Variants in MAGI1 observed in about 807,000 individuals in gnomAD.
MAGI1 encodes the protein membrane-associated guanylate kinase, WW and PDZ domain-containing protein 1.
MAGI1 carries 58 observed loss-of-function variants against 139.9 expected under a neutral mutation model. That is an observed-to-expected ratio of 0.41 (90% CI 0.34 to 0.52). The LOEUF (loss-of-function observed/expected upper bound fraction) is 0.52. Among genes scored for constraint, MAGI1 ranks in the 20% least tolerant of loss-of-function variants. The probability of loss-of-function intolerance (pLI) is 0.12; values close to 1 mark genes in which losing one functional copy is unlikely to be tolerated. For synonymous variants in MAGI1, 812 were observed against 737.9 expected (o/e 1.10, Z -1.63); for missense variants, 1,874 against 1,901.6 (o/e 0.99, Z 0.27).
chr3:65,978,319 G>A (rs1375352189), intron 1 of MAGI1, among the ~76,000 whole-genome samples: 1 of 152,180 alleles, frequency 6.6e-6, no homozygotes, highest in African/African-American at 2.4e-5. Flanking sequence ...ATCCAAGTCT[G>A]GAAGTTTGTG....
At chr3:65,451,646 CTTTG>C (rs893297623) in intron 6 of MAGI1, among the ~76,000 whole-genome samples, 16 of 152,086 alleles carry the variant, frequency 1.1e-4, no homozygotes, top group Admixed American at 5.9e-4. Flanking sequence ...CCTGTTGTTG[CTTTG>C]TTTGTTTCTT....
chr3:65,925,890 C>A (rs1182627707), intron 1 of MAGI1, among the ~76,000 whole-genome samples: 1 of 152,156 alleles, frequency 6.6e-6, no homozygotes, highest in Non-Finnish European at 1.5e-5. Context: ...ATTGCCCAGG[C>A]TGGTCTTGAA....
At chr3:65,576,596 T>G (rs147470950) in intron 2 of MAGI1, among the ~76,000 whole-genome samples, 1 of 152,324 alleles carries the variant, frequency 6.6e-6, no homozygotes, top group Non-Finnish European at 1.5e-5. Context: ...ATCTTGTTGC[T>G]TTGCTTAAAT....
intron 12 of MAGI1, among the ~76,000 whole-genome samples, chr3:65,419,304 T>C (rs1946477065): frequency 6.6e-6 from 1 of 151,646 alleles, no homozygotes. Context: ...TGTGTGTGTG[T>C]ATGCATGTAT....
At chr3:65,819,991 T>C (rs1375510734) in intron 1 of MAGI1, among the ~76,000 whole-genome samples, 1 of 150,178 alleles carries the variant, frequency 6.7e-6, no homozygotes, top group Non-Finnish European at 1.5e-5. Context: ...TAAGCAAATA[T>C]ACTGCACTGG....
chr3:65,651,545 A>C (rs1033909326), intron 1 of MAGI1, among the ~76,000 whole-genome samples: 2 of 152,154 alleles, frequency 1.3e-5, no homozygotes, highest in Non-Finnish European at 2.9e-5. Flanking sequence ...GTGGACCTGC[A>C]CATTAAGCCC....
At chr3:66,018,421 T>C (rs1217751724) in intron 1 of MAGI1, among the ~76,000 whole-genome samples, 1 of 152,074 alleles carries the variant, frequency 6.6e-6, no homozygotes, top group East Asian at 1.9e-4. Flanking sequence ...ATTCCAAAAT[T>C]CTAGGCTAAG....
At chr3:65,616,222 G>A (rs1027086643) in intron 2 of MAGI1, among the ~76,000 whole-genome samples, 22 of 152,146 alleles carry the variant, frequency 1.4e-4, no homozygotes, top group Middle Eastern at 6.8e-3. Context: ...AGAAGGACAG[G>A]TGTAAGCAGG....
chr3:65,748,581 T>C (rs1035005652), intron 1 of MAGI1, among the ~76,000 whole-genome samples: 1 of 152,250 alleles, frequency 6.6e-6, no homozygotes, highest in Non-Finnish European at 1.5e-5. Context: ...GGTTCACCTG[T>C]CCTTCCATTG....
intron 1 of MAGI1, among the ~76,000 whole-genome samples, chr3:66,015,537 G>C (rs1221720414): frequency 6.6e-6 from 1 of 152,072 alleles, no homozygotes; most frequent in Non-Finnish European, 1.5e-5. Flanking sequence ...ACATTTCATA[G>C]AGCTGATTGA....
At position 65,429,813 on chromosome 3, in the gene MAGI1, G is replaced by C. The variant is rs1276107432; in HGVS notation, c.1874C>G (p.Pro625Arg). 1 of 1,613,936 alleles carries C rather than the reference G, an allele frequency of 6.2e-7. No homozygotes were observed. Among genetic ancestry groups the C allele is most frequent in the Admixed American group, 1.7e-5 (1 of 59,960 alleles). ...DVASNSSHGY[P>R]NDTVSLASSI... Reference sequence around the variant, plus strand: ...GGAAGCCAAAGAAACAGTGTCATTAGGATAACCATGAGAACTATTTGAAGC... The same window carrying C: ...GGAAGCCAAAGAAACAGTGTCATTACGATAACCATGAGAACTATTTGAAGC... The change falls in exon 12 of 23, where the codon CCT (proline) becomes CGT (arginine). Residue 625 changes from proline to arginine, a missense_variant. Around this residue, in one of 5 missense-constraint regions of MAGI1, gnomAD observed 482 missense variants for 509.6 expected, o/e 0.95. Transcript: ENST00000402939.
rs1575762766 is a variant in MAGI1 at position 65,442,736 on chromosome 3, T to G, written c.1136+56A>C. On this transcript the variant is annotated intron_variant, in intron 8 of 22. Transcript: ENST00000402939. ...GATGTCAGGCTGTACTTAACACAAA[T>G]GTACATAATTATAGAGAGGTATAAA... 5.9e-5 allele frequency: 77 copies of G among 1,295,484 alleles called. 1 individual carries two copies. In the South Asian group the frequency reaches 9.6e-4, roughly 16 times the overall value. 80.2% of individuals were successfully genotyped at this position (1,295,484 alleles called of 1,614,324 possible). A position where few individuals can be genotyped will look rare whatever the true frequency, so the allele number is the denominator to read the frequency against.
chr3:65,614,760 G>A (rs550568913), intron 2 of MAGI1, among the ~76,000 whole-genome samples: 1 of 152,174 alleles, frequency 6.6e-6, no homozygotes, highest in South Asian at 2.1e-4. Flanking sequence ...GCCCTGTCTA[G>A]TGCAGAATTT....
chr3:65,430,464 T>C (rs1252122102), intron 11 of MAGI1, among the ~76,000 whole-genome samples: 1 of 152,158 alleles, frequency 6.6e-6, no homozygotes, highest in East Asian at 1.9e-4. Flanking sequence ...ATTGCTTTAC[T>C]GTACTCAAAC....
At chr3:65,438,035 T>TGAAGAAAAA (rs1465717962) in intron 9 of MAGI1, among the ~76,000 whole-genome samples, 1 of 152,184 alleles carries the variant, frequency 6.6e-6, no homozygotes, top group Admixed American at 6.5e-5. Flanking sequence ...ACTGGGTATC[T>TGAAGAAAAA]GAAGAAAAAG....
chr3:65,935,921 A>C (rs2063028908), intron 1 of MAGI1, among the ~76,000 whole-genome samples: 1 of 152,254 alleles, frequency 6.6e-6, no homozygotes, highest in Admixed American at 6.5e-5. Flanking sequence ...CAGAACTTCC[A>C]GCTCAACCAC....
chr3:65,635,084 A>AT (rs1559740943), intron 1 of MAGI1, among the ~76,000 whole-genome samples: 11 of 151,364 alleles, frequency 7.3e-5, no homozygotes, highest in African/African-American at 2.4e-4. Flanking sequence ...AGTAAAATAA[A>AT]ATATATATAT....
chr3:65,395,579 G>C (rs977501868), intron 13 of MAGI1, among the ~76,000 whole-genome samples: 7 of 134,278 alleles, frequency 5.2e-5, no homozygotes, highest in African/African-American at 1.9e-4. Flanking sequence ...GGAGCTTCCA[G>C]TGAGCTGAGA....
chr3:65,987,372 T>A (rs2065934661), intron 1 of MAGI1, among the ~76,000 whole-genome samples: 1 of 152,104 alleles, frequency 6.6e-6, no homozygotes, highest in Non-Finnish European at 1.5e-5. Flanking sequence ...GTATAAGGAT[T>A]AAATCAAAGA....
Sources: gnomAD v4.1 joint callset for allele counts (sites outside exome capture counted in the v4.1 genomes callset) on GRCh38, gnomAD v4.1.1 for gene constraint, gnomAD v4.1.1 regional missense constraint, MANE v1.5 for transcripts, NCBI Gene and HGNC (gene_info 2026-07-23, HGNC 2026-07-21) for gene names.